NUP155: variants seen among roughly 807,000 people sequenced by gnomAD.
NUP155 encodes the protein nuclear pore complex protein Nup155.
Under a neutral mutation model 180.4 loss-of-function variants are expected in NUP155, and 71 were observed. That is an observed-to-expected ratio of 0.39 (90% CI 0.33 to 0.48). NUP155 has a LOEUF of 0.48. Ranked by LOEUF, NUP155 falls within the 20% of genes least tolerant of loss-of-function variation. The pLI is 0.91. For synonymous variants in NUP155, 582 were observed against 559.5 expected (o/e 1.04, Z -0.57); for missense variants, 1,553 against 1,648.9 (o/e 0.94, Z 1.01).
At chr5:37,292,122 C>T in intron 34 of NUP155, 84 bp from the exon 35 acceptor site, 1 of 1,311,862 alleles carries the variant, frequency 7.6e-7, no homozygotes, top group South Asian at 1.2e-5. Context: ...CTTCTGGCAA[C>T]TTTAATTCTC....
rs1746119883 is a variant in NUP155, at chr5:37,346,771, G to A, written c.995+1734C>T. On this transcript the variant is annotated intron_variant, in intron 9 of 34. Transcript: ENST00000231498. ...CAGATTGTCTGAAGACTTGGCTTCC[G>A]CGTTAGGTTCTTGTACTTATTTAGG... 2.0e-5 allele frequency among the ~76,000 whole-genome samples: 3 copies of A among 152,226 alleles called. 1 individual carries two copies. The highest frequency in any genetic ancestry group is 4.8e-5 in the African/African-American group (2 of 41,520).
chr5:37,334,102 CTGGG>C (rs1404102610), intron 12 of NUP155, among the ~76,000 whole-genome samples: 2 of 149,990 alleles, frequency 1.3e-5, no homozygotes, highest in Non-Finnish European at 1.5e-5. Flanking sequence ...CACCTGGCCT[CTGGG>C]GTTTTTTTTT....
intron 3 of NUP155, 129 bp downstream of exon 3, chr5:37,363,759 T>C (rs1747367633): frequency 1.4e-5 from 10 of 696,324 alleles, no homozygotes; most frequent in Non-Finnish European, 2.4e-5. Context: ...TGACTGATAC[T>C]GAGAAGCACT....
rs1745436749 is a variant in NUP155, at chr5:37,337,813, C to G, written c.1347+5G>C. The G allele has an allele frequency of 6.4e-7, 1 of 1,569,242 alleles. No homozygotes were observed. The highest frequency in any genetic ancestry group is 1.1e-5 in the South Asian group (1 of 89,830). ...AGTTTTTTCAGAATTGTCAGGATAA[C>G]TTACCTGGGTTTCCATCATTGGCTT... On this transcript the variant is annotated splice_donor_5th_base_variant and intron_variant, in intron 12 of 34. Transcript: ENST00000231498.
intron 24 of NUP155, 116 bp downstream of exon 24, chr5:37,309,013 G>C: frequency 9.4e-7 from 1 of 1,058,266 alleles, no homozygotes; most frequent in Non-Finnish European, 1.4e-6. Context: ...GGCCTCTGAT[G>C]CTGAAAGAAG....
At position 37,357,506 on chromosome 5, in the gene NUP155, G is replaced by A. The variant is rs1200661241; in HGVS notation, c.463+575C>T. On this transcript the variant is annotated intron_variant, in intron 4 of 34. Transcript: ENST00000231498. ...CAGCAATTAATGAAAAATCTATAGTGCAAAACCTTCAGGTATATCAAGAAA... is the reference window on the plus strand; with the variant it reads ...CAGCAATTAATGAAAAATCTATAGTACAAAACCTTCAGGTATATCAAGAAA... 3.3e-5 allele frequency among the ~76,000 whole-genome samples: 5 copies of A among 150,208 alleles called. No individual in the cohort carries two copies. The South Asian group carries it at 1.0e-3, about 32-fold the overall frequency.
intron 3 of NUP155, among the ~76,000 whole-genome samples, chr5:37,360,241 T>G (rs1394595666): frequency 6.6e-6 from 1 of 151,932 alleles, no homozygotes; most frequent in Non-Finnish European, 1.5e-5. Flanking sequence ...CCCAGCATTT[T>G]GGGAGGCTGA....
At position 37,305,324 on chromosome 5, in the gene NUP155, G is replaced by A. The variant is rs148108559; in HGVS notation, c.2904-114C>T. 9.0e-5 allele frequency: 79 copies of A among 873,798 alleles called. No individual in the cohort carries two copies. The East Asian group carries it at 1.7e-3, about 19-fold the overall frequency. 54.1% of individuals were successfully genotyped at this position (873,798 alleles called of 1,614,324 possible). ...CATAGGGAAGTCAAGGTAGGAGGAC[G>A]GCTTGAGGCTGGGAGTTCAAGACTA... On this transcript the variant is annotated intron_variant, in intron 25 of 34. Transcript: ENST00000231498.
At chr5:37,325,599 T>C (rs1369411784) in intron 19 of NUP155, among the ~76,000 whole-genome samples, 1 of 151,586 alleles carries the variant, frequency 6.6e-6, no homozygotes, top group Non-Finnish European at 1.5e-5. Context: ...TGAAACCCTA[T>C]CTCTACAAAA....
chr5:37,337,784 T>C (rs1745434244), intron 12 of NUP155, 34 bp downstream of exon 12: 2 of 1,276,512 alleles, frequency 1.6e-6, no homozygotes, highest in African/African-American at 1.5e-5. Context: ...TAAAATTATA[T>C]AATAGTTTTT....
At position 37,344,486 on chromosome 5, in the gene NUP155, G is replaced by A. The variant is rs1379630889; in HGVS notation, c.996-1840C>T. Among the ~76,000 whole-genome samples the A allele has an allele frequency of 4.1e-5, 6 of 146,740 alleles. No homozygotes were observed. In the South Asian group the frequency reaches 8.6e-4, roughly 21 times the overall value. On this transcript the variant is annotated intron_variant, in intron 9 of 34. Coordinates refer to ENST00000231498, the MANE Select transcript of NUP155 (RefSeq NM_153485.3). ...AATTATCCTGCCCTTCCTTCCAAAC[G>A]TCAATATTATAAAAAAAAAAAAAGG...
intron 24 of NUP155, among the ~76,000 whole-genome samples, chr5:37,308,276 G>C (rs897642086): frequency 6.6e-6 from 1 of 152,108 alleles, no homozygotes; most frequent in African/African-American, 2.4e-5. Flanking sequence ...ATTTCGGCTG[G>C]GCGCAGTGGC....
intron 32 of NUP155, among the ~76,000 whole-genome samples, chr5:37,298,440 G>A (rs1742700476): frequency 6.6e-6 from 1 of 152,032 alleles, no homozygotes; most frequent in Non-Finnish European, 1.5e-5. Flanking sequence ...ATCTCATTAA[G>A]AAAGGGATTC....
intron 10 of NUP155, 77 bp downstream of exon 10, chr5:37,342,472 C>T (rs1004883979): frequency 5.8e-6 from 5 of 868,416 alleles, no homozygotes; most frequent in Non-Finnish European, 9.5e-6. Context: ...AAATATATTT[C>T]TAATAATAAA....
At chr5:37,349,540 T>A (rs1217659338) in intron 7 of NUP155, among the ~76,000 whole-genome samples, 1 of 152,184 alleles carries the variant, frequency 6.6e-6, no homozygotes. Context: ...AAACAAATTC[T>A]AAGTTATTTT....
intron 1 of NUP155, among the ~76,000 whole-genome samples, chr5:37,369,601 G>A (rs916890250): frequency 2.6e-5 from 4 of 150,950 alleles, no homozygotes; most frequent in Non-Finnish European, 5.9e-5. Context: ...TGTTCAAGAT[G>A]ATAATTGCTA....
At chr5:37,335,144 C>G (rs140877393) in intron 12 of NUP155, among the ~76,000 whole-genome samples, 4 of 121,076 alleles carry the variant, frequency 3.3e-5, no homozygotes, top group African/African-American at 1.3e-4. Flanking sequence ...GACGACAGAA[C>G]AAGACTCTGT....
intron 4 of NUP155, among the ~76,000 whole-genome samples, chr5:37,357,369 C>T (rs1439415199): frequency 7.3e-6 from 1 of 137,080 alleles, no homozygotes; most frequent in Non-Finnish European, 1.5e-5. Context: ...TGCACTCCAG[C>T]CCGGGTGATA....
In NUP155 at chr5:37,351,467, T is replaced by A. The variant is rs539647136; in HGVS notation, c.557-111A>T. The A allele has an allele frequency of 6.4e-6, 5 of 776,206 alleles. No homozygotes were observed. The East Asian group carries it at 1.4e-4, about 22-fold the overall frequency. 48.1% of individuals were successfully genotyped at this position (776,206 alleles called of 1,614,324 possible). On this transcript the variant is annotated intron_variant, in intron 5 of 34. Transcript: ENST00000231498. Reference sequence around the variant, plus strand: ...TTACTCAATTCTTTTTTTTTTTTCTTGAGACAGTCTTACTCTGTCACCCAG... The same window carrying A: ...TTACTCAATTCTTTTTTTTTTTTCTAGAGACAGTCTTACTCTGTCACCCAG...
Sources: gnomAD v4.1 joint callset for allele counts (sites outside exome capture counted in the v4.1 genomes callset) on GRCh38, gnomAD v4.1.1 for gene constraint, MANE v1.5 for transcripts, NCBI Gene and HGNC (gene_info 2026-07-23, HGNC 2026-07-21) for gene names.